Variants in PCDHA7 observed in about 807,000 individuals in gnomAD.
The protein encoded by PCDHA7 is protocadherin alpha-7.
PCDHA7 carries 37 observed loss-of-function variants against 57.2 expected under a neutral mutation model. The observed-to-expected ratio is 0.65, with a 90% CI of 0.50 to 0.85. PCDHA7 has a LOEUF of 0.85. Ranked by LOEUF, PCDHA7 falls within the 40% of genes least tolerant of loss-of-function variation. The pLI is 0.00. For missense variants in PCDHA7, 1,188 were observed against 1,241.8 expected (o/e 0.96, Z 0.65); for synonymous variants, 553 against 558.8 (o/e 0.99, Z 0.15).
intron 3 of PCDHA7, among the ~76,000 whole-genome samples, chr5:140,983,787 A>G (rs1439684844): frequency 6.6e-6 from 1 of 152,234 alleles, no homozygotes; most frequent in Non-Finnish European, 1.5e-5. Flanking sequence ...ATAACAGATG[A>G]CAGAATGTGT....
intron 1 of PCDHA7, among the ~76,000 whole-genome samples, chr5:140,874,643 G>T (rs1423931291): frequency 1.3e-5 from 2 of 152,178 alleles, no homozygotes; most frequent in Non-Finnish European, 2.9e-5. Flanking sequence ...CTTTACTTTT[G>T]CTAGAGTAAA....
intron 1 of PCDHA7, among the ~76,000 whole-genome samples, chr5:140,894,265 C>A (rs1328152615): frequency 6.6e-6 from 1 of 151,796 alleles, no homozygotes; most frequent in East Asian, 1.9e-4. Context: ...CAAGTGGTAG[C>A]TTATTTACAA....
At position 140,836,001 on chromosome 5, in the gene PCDHA7, G is replaced by C. The variant is rs2150250076; in HGVS notation, c.1618G>C (p.Ala540Pro). 1 of 1,613,350 alleles carries C rather than the reference G, an allele frequency of 6.2e-7. No homozygotes were observed. Among genetic ancestry groups the C allele is most frequent in the Admixed American group, 1.7e-5 (1 of 60,014 alleles). Residue 540 changes from alanine to proline, a missense_variant, in exon 1 of 4, where the codon GCG becomes CCG. Coordinates refer to ENST00000525929, the MANE Select transcript of PCDHA7 (RefSeq NM_018910.3). The stretch of plus-strand genomic sequence containing the variant: ...GCAGTTCCAGGTGAGCGCGCGCGAT[G>C]CGGGCGTGCCGCCTCTGGGCAGCAA... Reference protein sequence around the residue: ...LLQFQVSARDAGVPPLGSNVT... With the variant: ...LLQFQVSARDPGVPPLGSNVT...
At chr5:140,950,914 T>C (rs1198787949) in intron 1 of PCDHA7, among the ~76,000 whole-genome samples, 1 of 152,044 alleles carries the variant, frequency 6.6e-6, no homozygotes, top group African/African-American at 2.4e-5. Flanking sequence ...TTTATTTTAT[T>C]TCAGTTCTTT....
intron 1 of PCDHA7, among the ~76,000 whole-genome samples, chr5:140,837,845 T>C (rs1033041173): frequency 1.3e-5 from 2 of 151,414 alleles, no homozygotes; most frequent in Admixed American, 1.3e-4. Flanking sequence ...GCCTGGCTAA[T>C]TTTATTTTAT....
intron 1 of PCDHA7, chr5:140,968,856 G>A (rs782749305): frequency 1.2e-6 from 2 of 1,614,184 alleles, no homozygotes; most frequent in South Asian, 1.1e-5. Flanking sequence ...CATGTTAAGA[G>A]CCCTCGGACA....
At position 140,859,346 on chromosome 5, in the gene PCDHA7, T is replaced by G. The variant is rs978302846; in HGVS notation, c.2355+22608T>G. On this transcript the variant is annotated intron_variant, in intron 1 of 3. Transcript: ENST00000525929. ...AGGAGAAAATAAAATTAATGTTTTCTACTGATCTGATATATTGTATAGTTT... is the reference window on the plus strand; with the variant it reads ...AGGAGAAAATAAAATTAATGTTTTCGACTGATCTGATATATTGTATAGTTT... 7 of 128,770 alleles carry G rather than the reference T, an allele frequency of 5.4e-5. 1 individual carries two copies. In the Admixed American group the frequency reaches 5.5e-4, roughly 10 times the overall value. 8.0% of individuals were successfully genotyped at this position (128,770 alleles called of 1,614,324 possible).
chr5:140,927,235 C>T (rs1478545930), intron 1 of PCDHA7: 7 of 1,614,034 alleles, frequency 4.3e-6, no homozygotes, highest in Non-Finnish European at 5.9e-6. Flanking sequence ...GATTCACGTC[C>T]TGGACACCAA....
chr5:140,852,628 G>A, intron 1 of PCDHA7: 1 of 953,102 alleles, frequency 1.0e-6, no homozygotes, highest in Non-Finnish European at 1.3e-6. Context: ...TGGTCTCTGA[G>A]CTCCTGTCAT....
chr5:140,966,893 C>CA (rs1554228863), intron 1 of PCDHA7: 3 of 1,595,686 alleles, frequency 1.9e-6, no homozygotes, highest in African/African-American at 1.3e-5. Context: ...TGCGGCCTCC[C>CA]AGCTGCGATA....
chr5:140,976,511 A>G (rs1216804890), intron 1 of PCDHA7, among the ~76,000 whole-genome samples: 1 of 152,148 alleles, frequency 6.6e-6, no homozygotes, highest in Non-Finnish European at 1.5e-5. Flanking sequence ...AGATCGCGCC[A>G]CTGCACACCA....
chr5:140,898,067 T>C (rs2066506598), intron 1 of PCDHA7, among the ~76,000 whole-genome samples: 1 of 152,122 alleles, frequency 6.6e-6, no homozygotes, highest in Admixed American at 6.5e-5. Context: ...TTGTTTGAGT[T>C]CATTGTAGAT....
intron 1 of PCDHA7, among the ~76,000 whole-genome samples, chr5:140,976,433 C>T (rs2096716122): frequency 6.6e-6 from 1 of 152,036 alleles, no homozygotes; most frequent in South Asian, 2.1e-4. Context: ...TGCCTGTAAT[C>T]CCAGCTACTA....
At chr5:140,854,039 C>G (rs1301679696) in intron 1 of PCDHA7, 1 of 287,104 alleles carries the variant, frequency 3.5e-6, no homozygotes, top group Admixed American at 6.8e-5. Context: ...GCACACATCT[C>G]TAGTCCCAAT....
At chr5:140,850,611 G>A (rs1353719119) in intron 1 of PCDHA7, 2 of 1,598,474 alleles carry the variant, frequency 1.3e-6, no homozygotes, top group Non-Finnish European at 1.7e-6. Context: ...CGCCATCTGC[G>A]CGGTGTCTAG....
chr5:140,853,847 G>T, intron 1 of PCDHA7: 1 of 986,430 alleles, frequency 1.0e-6, no homozygotes, highest in Non-Finnish European at 1.2e-6. Flanking sequence ...TAGATCCATA[G>T]CCCTATTTGA....
intron 1 of PCDHA7, among the ~76,000 whole-genome samples, chr5:140,946,311 T>C (rs896667905): frequency 6.6e-6 from 1 of 151,784 alleles, no homozygotes; most frequent in Non-Finnish European, 1.5e-5. Flanking sequence ...AGAATGGCTA[T>C]TATTGAAAGA....
chr5:140,980,432 C>A (rs1228010505), intron 2 of PCDHA7, among the ~76,000 whole-genome samples: 1 of 152,118 alleles, frequency 6.6e-6, no homozygotes, highest in East Asian at 1.9e-4. Context: ...GAGATCGAGA[C>A]CATCCTGGAC....
At chr5:140,903,401 T>A (rs577425497) in intron 1 of PCDHA7, among the ~76,000 whole-genome samples, 2 of 152,336 alleles carry the variant, frequency 1.3e-5, no homozygotes, top group East Asian at 3.9e-4. Flanking sequence ...GAAACAGTAG[T>A]GCAGTCAGGA....
Sources: allele counts gnomAD v4.1 joint callset (sites outside exome capture counted in the v4.1 genomes callset), GRCh38; gene constraint gnomAD v4.1.1; transcripts MANE v1.5; gene names NCBI Gene and HGNC (gene_info 2026-07-23, HGNC 2026-07-21).